ZNF248: variants seen among roughly 807,000 people sequenced by gnomAD.
The protein encoded by ZNF248 is KRAB protein domain.
Under a neutral mutation model 44.3 loss-of-function variants are expected in ZNF248, and 20 were observed. The ratio of observed to expected loss-of-function variants is 0.45; its 90% CI spans 0.32 to 0.66. ZNF248 has a LOEUF of 0.66. ZNF248 is among the 30% of genes least tolerant of loss of function. The pLI, the probability that ZNF248 is intolerant of heterozygous loss-of-function variation, is 0.04. For missense variants in ZNF248, 654 were observed against 677.0 expected, an observed-to-expected ratio of 0.97 and a Z score of 0.38; for synonymous variants, 224 against 229.0, an observed-to-expected ratio of 0.98 and a Z score of 0.20.
In ZNF248 at chr10:37,839,506, AAC is replaced by A. The variant is rs771239384; in HGVS notation, c.16-1397_16-1396del. Among the ~76,000 whole-genome samples, 390 of 110,780 alleles carry A rather than the reference AAC, an allele frequency of 3.5e-3. 3 individuals carry two copies. Among genetic ancestry groups the A allele is most frequent in the African/African-American group, 0.011 (325 of 30,802 alleles). 72.7% of individuals were successfully genotyped at this position (110,780 alleles called of 152,430 possible). A position where few individuals can be genotyped will look rare whatever the true frequency, so the allele number is the denominator to read the frequency against. On this transcript the variant is annotated intron_variant, in intron 3 of 5. Transcript: ENST00000395867. ...GACACCTCTTATACATGTATACACA[AAC>A]ACACACACACACACACACATGCACA...
intron 6 of ZNF248, chr10:37,795,201 A>G (rs1316009811): frequency 2.0e-5 from 3 of 152,190 alleles, no homozygotes; most frequent in Non-Finnish European, 2.9e-5. Context: ...TGATGGTTCA[A>G]TTATAGTTTT....
chr10:37,805,089 T>C (rs2050372505), intron 6 of ZNF248, among the ~76,000 whole-genome samples: 2 of 152,296 alleles, frequency 1.3e-5, no homozygotes, highest in East Asian at 1.9e-4. Flanking sequence ...ATAACAGTTG[T>C]ATTTTTTGTA....
At chr10:37,843,403 GAC>G (rs1250583348) in intron 3 of ZNF248, among the ~76,000 whole-genome samples, 1 of 141,952 alleles carries the variant, frequency 7.0e-6, no homozygotes, top group Non-Finnish European at 1.5e-5. Context: ...CCAGCCTGGC[GAC>G]AGAGCAAGAC....
Position 37,831,532 on chromosome 10 carries a change from T to C in ZNF248, c.*83A>G. ...CAAACAAGAAGTCATTTTCTACAAA[T>C]TTCTGACATTCTTTGGCTTTCTCTG... On this transcript the variant is annotated 3_prime_UTR_variant, in exon 6 of 6. Transcript: ENST00000395867. The C allele has an allele frequency of 2.6e-6, 4 of 1,512,754 alleles. No homozygotes were observed. Among genetic ancestry groups the C allele is most frequent in the Non-Finnish European group, 1.8e-6 (2 of 1,133,432 alleles). The allele number at this position is 1,512,754 out of a possible 1,614,324, so 93.7% of individuals were successfully genotyped here. A position where few individuals can be genotyped will look rare whatever the true frequency, so the allele number is the denominator to read the frequency against.
intron 6 of ZNF248, among the ~76,000 whole-genome samples, chr10:37,792,256 A>G (rs2133086444): frequency 6.6e-6 from 1 of 152,300 alleles, no homozygotes; most frequent in Admixed American, 6.5e-5. Flanking sequence ...CCAGGGTGCC[A>G]TCATGGAACT....
At position 37,817,623 on chromosome 10, in the gene ZNF248, G is replaced by A. The variant is rs1227742459; in HGVS notation, c.330+15402C>T. ...ATCTGATTGGAATGAACATTGCCAC[G>A]TACTTGCTAATATGGGTTTCACTTT... On this transcript the variant is annotated intron_variant, in intron 6 of 6. Coordinates refer to the ZNF248 transcript ENST00000615949. Among the ~76,000 whole-genome samples the A allele has an allele frequency of 3.3e-5, 5 of 152,046 alleles. No homozygotes were observed. The South Asian group carries it at 1.0e-3, about 31-fold the overall frequency.
At chr10:37,767,725 C>G in the ZNF248 span, among the ~76,000 whole-genome samples, 2 of 152,136 alleles carry the variant, frequency 1.3e-5, no homozygotes, top group Non-Finnish European at 1.5e-5. Context: ...AACTAAAGAG[C>G]AAAATAACCA....
intron 5 of ZNF248, among the ~76,000 whole-genome samples, chr10:37,836,536 A>T (rs1019107751): frequency 1.1e-4 from 16 of 152,164 alleles, no homozygotes; most frequent in Non-Finnish European, 1.6e-4. Context: ...TGCCTGGACT[A>T]CACTGAATCC....
At chr10:37,790,922 TAAA>T (rs372371285) in intron 6 of ZNF248, among the ~76,000 whole-genome samples, 1 of 127,720 alleles carries the variant, frequency 7.8e-6, no homozygotes, top group Non-Finnish European at 1.7e-5. Context: ...CCCATTATCT[TAAA>T]AAAAAAAAAA....
chr10:37,808,789 A>G (rs1160773861), intron 6 of ZNF248, among the ~76,000 whole-genome samples: 1 of 152,190 alleles, frequency 6.6e-6, no homozygotes, highest in Non-Finnish European at 1.5e-5. Flanking sequence ...AGAGCCTAAA[A>G]AAGACTAATG....
chr10:37,788,941 G>A (rs1239235391), intron 6 of ZNF248, among the ~76,000 whole-genome samples: 1 of 151,354 alleles, frequency 6.6e-6, no homozygotes. Context: ...GCACAACGTT[G>A]GCTCACTGCA....
At position 37,832,045 on chromosome 10, in the gene ZNF248, T is replaced by A; in HGVS notation, c.1310A>T (p.Glu437Val). The A allele has an allele frequency of 6.2e-7, 1 of 1,614,034 alleles. No homozygotes were observed. The highest frequency in any genetic ancestry group is 8.5e-7 in the Non-Finnish European group (1 of 1,179,944). Residue 437 changes from glutamate to valine, a missense_variant, in exon 6 of 6, where the codon GAA becomes GTA. Glu to Val is a moderately radical substitution (Grantham distance 121, BLOSUM62 -2). Transcript: ENST00000395867. ...GAATGTTTTTCCACATTGCTTACAT[T>A]CATAGGGTTTTTCTCCTGTATGTGT... ...QRTHTGEKPYECKQCGKTFCV... is the reference protein window; with the variant it reads ...QRTHTGEKPYVCKQCGKTFCV...
chr10:37,792,373 C>A (rs1218644512), intron 6 of ZNF248, among the ~76,000 whole-genome samples: 1 of 152,120 alleles, frequency 6.6e-6, no homozygotes, highest in African/African-American at 2.4e-5. Context: ...ACATAAATGG[C>A]TGAATAAACA....
At chr10:37,811,919 A>G (rs2051574430) in intron 6 of ZNF248, among the ~76,000 whole-genome samples, 1 of 151,886 alleles carries the variant, frequency 6.6e-6, no homozygotes, top group African/African-American at 2.4e-5. Flanking sequence ...GACGCAGCAG[A>G]CAAGTTCCCA....
the ZNF248 span, among the ~76,000 whole-genome samples, chr10:37,764,735 G>A: frequency 6.6e-6 from 1 of 151,940 alleles, no homozygotes; most frequent in African/African-American, 2.4e-5. Context: ...TAATATGTAG[G>A]AACTAATTCT....
At chr10:37,767,390 C>T in the ZNF248 span, among the ~76,000 whole-genome samples, 1 of 152,164 alleles carries the variant, frequency 6.6e-6, no homozygotes, top group Non-Finnish European at 1.5e-5. Flanking sequence ...TCGGGTTACC[C>T]ACAAAGGGAA....
chr10:37,782,357 A>T (rs1564458366), intron 6 of ZNF248, among the ~76,000 whole-genome samples: 1 of 152,186 alleles, frequency 6.6e-6, no homozygotes, highest in African/African-American at 2.4e-5. Context: ...TTTAGATAAG[A>T]TGCTGGGGTT....
At chr10:37,791,052 T>TC (rs1431817466) in intron 6 of ZNF248, among the ~76,000 whole-genome samples, 1 of 112,052 alleles carries the variant, frequency 8.9e-6, no homozygotes, top group Non-Finnish European at 1.9e-5. Flanking sequence ...CTTTTTTTTT[T>TC]TTTTTTTTTT....
chr10:37,805,437 A>G (rs2050414977), intron 6 of ZNF248, among the ~76,000 whole-genome samples: 1 of 152,226 alleles, frequency 6.6e-6, no homozygotes. Context: ...TACTAAACCA[A>G]TCAGAAGCAG....
Sources: gnomAD v4.1 joint callset for allele counts (sites outside exome capture counted in the v4.1 genomes callset) on GRCh38, gnomAD v4.1.1 for gene constraint, MANE v1.5 for transcripts, NCBI Gene and HGNC (gene_info 2026-07-23, HGNC 2026-07-21) for gene names.